SNTG2: variants seen among roughly 807,000 people sequenced by gnomAD.
SNTG2 encodes gamma-2-syntrophin.
SNTG2 carries 74 observed loss-of-function variants against 70.9 expected under a neutral mutation model. The ratio of observed to expected loss-of-function variants is 1.04; its 90% CI spans 0.86 to 1.27. The LOEUF (loss-of-function observed/expected upper bound fraction) is 1.27. SNTG2 is among the 50% of genes most tolerant of loss of function. SNTG2 has a pLI of 0.00. For missense variants in SNTG2, 717 were observed against 690.7 expected (o/e 1.04, Z -0.43); for synonymous variants, 278 against 273.8 (o/e 1.02, Z -0.15).
intron 11 of SNTG2, among the ~76,000 whole-genome samples, chr2:1,244,332 G>A (rs1677262615): frequency 6.6e-6 from 1 of 152,088 alleles, no homozygotes; most frequent in African/African-American, 2.4e-5. Flanking sequence ...GTGATTTGAC[G>A]AGGATATTGG....
At chr2:1,049,944 G>A (rs1661962275) in intron 1 of SNTG2, among the ~76,000 whole-genome samples, 1 of 152,192 alleles carries the variant, frequency 6.6e-6, no homozygotes, top group Admixed American at 6.5e-5. Context: ...TGAATCATTT[G>A]ATGAGAAATC....
intron 4 of SNTG2, among the ~76,000 whole-genome samples, chr2:1,115,882 T>C (rs903892604): frequency 6.6e-6 from 1 of 152,208 alleles, no homozygotes; most frequent in Non-Finnish European, 1.5e-5. Context: ...ATTTTGGAAA[T>C]GAATTCAGGT....
chr2:1,231,712 G>A (rs548245188), intron 9 of SNTG2, among the ~76,000 whole-genome samples: 7 of 152,108 alleles, frequency 4.6e-5, no homozygotes, highest in Non-Finnish European at 8.8e-5. Context: ...GAGATAGGGT[G>A]GAGTCAGTCC....
intron 9 of SNTG2, among the ~76,000 whole-genome samples, chr2:1,210,914 A>G (rs1312549269): frequency 6.6e-6 from 1 of 152,192 alleles, no homozygotes; most frequent in Non-Finnish European, 1.5e-5. Flanking sequence ...AGCCTGTATC[A>G]TCTAGGTTTC....
chr2:1,065,481 ATTTC>A (rs1663090253), intron 1 of SNTG2, among the ~76,000 whole-genome samples: 1 of 152,086 alleles, frequency 6.6e-6, no homozygotes, highest in Non-Finnish European at 1.5e-5. Context: ...AAACGAGTAA[ATTTC>A]TTAACTATTA....
chr2:1,090,687 G>A (rs549960583), intron 2 of SNTG2, among the ~76,000 whole-genome samples: 11 of 152,196 alleles, frequency 7.2e-5, no homozygotes, highest in African/African-American at 1.9e-4. Flanking sequence ...TTCTTCCTTC[G>A]GGGTGGGCTG....
At chr2:1,021,983 T>G (rs1660207303) in intron 1 of SNTG2, among the ~76,000 whole-genome samples, 1 of 144,798 alleles carries the variant, frequency 6.9e-6, no homozygotes, top group Non-Finnish European at 1.5e-5. Flanking sequence ...CTAATAATCC[T>G]ATCATGCTAA....
chr2:1,342,249 G>A (rs922654877), intron 16 of SNTG2, among the ~76,000 whole-genome samples: 1 of 152,316 alleles, frequency 6.6e-6, no homozygotes, highest in East Asian at 1.9e-4. Flanking sequence ...TTTGTCTCTT[G>A]AGGGTCCTAC....
At chr2:1,151,067 G>A (rs920581138) in intron 6 of SNTG2, among the ~76,000 whole-genome samples, 5 of 152,230 alleles carry the variant, frequency 3.3e-5, no homozygotes, top group Non-Finnish European at 1.5e-5. Context: ...TTACCACTGA[G>A]TTGGAAAAGT....
chr2:1,247,955 A>G lies in SNTG2; in HGVS notation c.1005+512A>G, dbSNP rs144979174. On this transcript the variant is annotated intron_variant, in intron 12 of 16. Transcript: ENST00000308624. ...TCATTTTCCAGTGCCCACCGGTACC[A>G]TTCTCCCCAAACTGACTGAATGTAA... Among the ~76,000 whole-genome samples the G allele has an allele frequency of 2.2e-3, 331 of 152,288 alleles. 5 individuals carry two copies. The highest frequency in any genetic ancestry group is 7.3e-3 in the African/African-American group (302 of 41,548).
Position 1,237,935 on chromosome 2 carries a change from T to A in SNTG2, c.767T>A (p.Ile256Asn). The A allele has an allele frequency of 1.2e-6, 2 of 1,607,676 alleles. No individual in the cohort carries two copies. Among genetic ancestry groups the A allele is most frequent in the Non-Finnish European group, 1.7e-6 (2 of 1,177,408 alleles). ...GCCCTGGACGGAGTCAGCTCTGGGA[T>A]CCTCCGGTTTTACACAGCCCAGGAT... ...VLALDGVSSG[I>N]LRFYTAQDGT... Residue 256 changes from isoleucine (I) to asparagine (N), a missense_variant, in exon 10 of 17, where the codon ATC becomes AAC. Ile to Asn is a moderately radical substitution (Grantham distance 149). Transcript: ENST00000308624.
intron 14 of SNTG2, among the ~76,000 whole-genome samples, chr2:1,299,010 G>A (rs1680335628): frequency 6.6e-6 from 1 of 152,142 alleles, no homozygotes; most frequent in Non-Finnish European, 1.5e-5. Context: ...CTTGCAGATG[G>A]CCTATTGTGG....
chr2:1,337,081 C>T (rs1337378897), intron 16 of SNTG2, among the ~76,000 whole-genome samples: 1 of 151,964 alleles, frequency 6.6e-6, no homozygotes. Context: ...AATAATATTC[C>T]ATTATATGCA....
chr2:1,290,629 C>T (rs1032120575), intron 14 of SNTG2, among the ~76,000 whole-genome samples: 2 of 152,076 alleles, frequency 1.3e-5, no homozygotes, highest in Non-Finnish European at 2.9e-5. Flanking sequence ...GTACTGCACA[C>T]CTTTAAACAA....
chr2:1,258,712 A>G (rs1328499284), intron 12 of SNTG2, among the ~76,000 whole-genome samples: 1 of 152,250 alleles, frequency 6.6e-6, no homozygotes, highest in Non-Finnish European at 1.5e-5. Context: ...TCTGCATGAA[A>G]TATTTTAACT....
intron 14 of SNTG2, among the ~76,000 whole-genome samples, chr2:1,307,051 G>A (rs1680713794): frequency 6.6e-6 from 1 of 150,806 alleles, no homozygotes; most frequent in Admixed American, 6.6e-5. Context: ...TGGTGTGTGA[G>A]CCATGGACTG....
Position 1,222,119 on chromosome 2 carries a change from C to CTCTCTGTCTCTGTCTCTGTCTCTG in SNTG2, c.719+12900_719+12901insGTCTCTGTCTCTGTCTCTGTCTCT, listed in dbSNP as rs1324021158. 9.0e-4 allele frequency among the ~76,000 whole-genome samples: 97 copies of CTCTCTGTCTCTGTCTCTGTCTCTG among 107,716 alleles called. 11 individuals carry two copies. Among genetic ancestry groups the CTCTCTGTCTCTGTCTCTGTCTCTG allele is most frequent in the Non-Finnish European group, 1.5e-3 (83 of 55,592 alleles). The allele number at this position is 107,716 out of a possible 152,430, so 70.7% of individuals were successfully genotyped here. Reference sequence around the variant, plus strand: ...TGTCTCTCTCTGTCTCTCTCTGTCTCTCTCTGTCTCTCTCTGTCTCTCTCT... The same window carrying CTCTCTGTCTCTGTCTCTGTCTCTG: ...TGTCTCTCTCTGTCTCTCTCTGTCTCTCTCTGTCTCTGTCTCTGTCTCTGTCTCTGTCTCTCTCTGTCTCTCTCT... On this transcript the variant is annotated intron_variant, in intron 9 of 16. Transcript: ENST00000308624.
chr2:1,103,388 TTTA>T, intron 4 of SNTG2: 4 of 295,198 alleles, frequency 1.4e-5, no homozygotes, highest in Admixed American at 5.2e-5. Context: ...TCTTTTTTTT[TTTA>T]TTTTTTTTTT....
intron 2 of SNTG2, among the ~76,000 whole-genome samples, chr2:1,089,669 G>T (rs2148188361): frequency 6.6e-6 from 1 of 152,324 alleles, no homozygotes; most frequent in East Asian, 1.9e-4. Flanking sequence ...ATATGTTTGT[G>T]TACGAGGGTG....
Sources: gnomAD v4.1 joint callset for allele counts (sites outside exome capture counted in the v4.1 genomes callset) on GRCh38, gnomAD v4.1.1 for gene constraint, MANE v1.5 for transcripts, NCBI Gene and HGNC (gene_info 2026-07-23, HGNC 2026-07-21) for gene names.